The following ANKRD27 variants were observed in gnomAD, a reference collection of about 807,000 sequenced individuals.
The protein encoded by ANKRD27 is ankyrin repeat domain-containing protein 27.
Under a neutral mutation model 129.7 loss-of-function variants are expected in ANKRD27, and 112 were observed. That is an observed-to-expected ratio of 0.86 (90% CI 0.74 to 1.01). The LOEUF is 1.01. Ranked by LOEUF, ANKRD27 falls within the 50% of genes least tolerant of loss-of-function variation. The probability of loss-of-function intolerance (pLI) is 0.00; values close to 1 mark genes in which losing one functional copy is unlikely to be tolerated. For missense variants in ANKRD27, 1,258 were observed against 1,300.5 expected, an observed-to-expected ratio of 0.97 and a Z score of 0.50; for synonymous variants, 516 against 511.2, an observed-to-expected ratio of 1.01 and a Z score of -0.13.
intron 12 of ANKRD27, chr19:32,638,965 C>T: frequency 3.0e-6 from 1 of 336,292 alleles, no homozygotes; most frequent in Non-Finnish European, 5.4e-6. Flanking sequence ...AAAACTCAGG[C>T]AAAGGAGCCA....
chr19:32,675,078 G>C lies in ANKRD27; in HGVS notation c.-38C>G, dbSNP rs1423684054. 6.6e-6 allele frequency: 1 copy of C among 152,216 alleles called. No individual in the cohort carries two copies. 9.4% of individuals were successfully genotyped at this position (152,216 alleles called of 1,614,324 possible). ...CAGCGCGAGGACACTTACTTAAAAGGCTACATCGCTTCATTCCCAGCCCAT... is the reference window on the plus strand; with the variant it reads ...CAGCGCGAGGACACTTACTTAAAAGCCTACATCGCTTCATTCCCAGCCCAT... On this transcript the variant is annotated 5_prime_UTR_variant, in exon 1 of 29. Transcript: ENST00000306065.
chr19:32,620,547 C>T (rs532153479), intron 18 of ANKRD27, among the ~76,000 whole-genome samples: 9 of 143,234 alleles, frequency 6.3e-5, no homozygotes, highest in South Asian at 2.3e-4. Flanking sequence ...CCAGCCTGGG[C>T]GACAGAGCGA....
chr19:32,640,256 C>A (rs769168974), intron 11 of ANKRD27, 51 bp downstream of exon 11: 20 of 1,510,632 alleles, frequency 1.3e-5, no homozygotes, highest in Middle Eastern at 1.7e-4. Flanking sequence ...AGCCACCGTG[C>A]CCGGCCAAGC....
At chr19:32,651,561 G>A (rs751509306) in intron 2 of ANKRD27, among the ~76,000 whole-genome samples, 7 of 152,046 alleles carry the variant, frequency 4.6e-5, no homozygotes, top group African/African-American at 4.8e-5. Flanking sequence ...TAGTAGAGAC[G>A]GGGTTTCACC....
rs772505202 is a variant in ANKRD27 at position 32,640,372 on chromosome 19, G to T, written c.918C>A (p.Thr306=). ...QSPSQRVNLE[T]MCADDLLSVL... ...CTGATAGCAGATCATCAGCACACAT[G>T]GTCTCCAGGTTCACTGCAAAGGGGA... Residue 306 remains threonine (T), a synonymous_variant, in exon 11 of 29, where the codon ACC becomes ACA. Coordinates refer to ENST00000306065, the MANE Select transcript of ANKRD27 (RefSeq NM_032139.3). 4.3e-6 allele frequency: 7 copies of T among 1,613,852 alleles called. No individual in the cohort carries two copies. The East Asian group carries it at 1.3e-4, about 31-fold the overall frequency.
At chr19:32,670,655 C>G (rs1177164162) in intron 1 of ANKRD27, among the ~76,000 whole-genome samples, 6 of 151,968 alleles carry the variant, frequency 3.9e-5, no homozygotes, top group Non-Finnish European at 7.4e-5. Context: ...GCCTGGGCAA[C>G]AGAGGGGGAC....
rs1412462852 is a variant in ANKRD27, at chr19:32,664,074, AG to A, written c.-30-5030del. The stretch of plus-strand genomic sequence containing the variant: ...CTGTCTCAAAAAAAAAAAAAAAAAA[AG>A]AAAGAAATAGGGTGCAATTAATTTT... On this transcript the variant is annotated intron_variant, in intron 1 of 28. Transcript: ENST00000306065. 9.2e-3 allele frequency among the ~76,000 whole-genome samples: 268 copies of A among 29,210 alleles called. 12 individuals are homozygous for A. Among genetic ancestry groups the A allele is most frequent in the African/African-American group, 0.021 (186 of 8,940 alleles). The allele number at this position is 29,210 out of a possible 152,430, so 19.2% of individuals were successfully genotyped here. A position where few individuals can be genotyped will look rare whatever the true frequency, so the allele number is the denominator to read the frequency against.
intron 26 of ANKRD27, among the ~76,000 whole-genome samples, chr19:32,601,065 A>G (rs773531384): frequency 1.3e-5 from 2 of 152,090 alleles, no homozygotes; most frequent in Non-Finnish European, 2.9e-5. Context: ...TTGGGAGGCC[A>G]AGGAGGGCGG....
chr19:32,598,448 A>G, intron 28 of ANKRD27, 70 bp from the exon 29 acceptor site: 1 of 1,451,486 alleles, frequency 6.9e-7, no homozygotes, highest in Non-Finnish European at 9.7e-7. Context: ...TGACAGTGAC[A>G]GCTGCCCCTT....
intron 10 of ANKRD27, among the ~76,000 whole-genome samples, chr19:32,641,272 G>A (rs989951174): frequency 2.6e-5 from 4 of 151,338 alleles, no homozygotes; most frequent in East Asian, 1.9e-4. Context: ...CCCCTTGGAC[G>A]CTGAAAGAGC....
intron 3 of ANKRD27, among the ~76,000 whole-genome samples, chr19:32,647,734 A>G (rs937399834): frequency 6.6e-6 from 1 of 152,212 alleles, no homozygotes; most frequent in African/African-American, 2.4e-5. Context: ...TTGGACACCT[A>G]GATCTACAAA....
chr19:32,631,497 G>T lies in ANKRD27; in HGVS notation c.1117-3C>A. The T allele has an allele frequency of 6.2e-7, 1 of 1,613,096 alleles. No individual in the cohort carries two copies. Among genetic ancestry groups the T allele is most frequent in the East Asian group, 2.2e-5 (1 of 44,872 alleles). ...CTGTCTCCAAATCCCTCAGACTCCTGCAGGGAAAAAACCAAACACACCACG... is the reference window on the plus strand; with the variant it reads ...CTGTCTCCAAATCCCTCAGACTCCTTCAGGGAAAAAACCAAACACACCACG... On this transcript the variant is annotated splice_polypyrimidine_tract_variant and splice_region_variant and intron_variant, in intron 12 of 28. Transcript: ENST00000306065.
chr19:32,616,057 G>C (rs1028854311), intron 21 of ANKRD27, among the ~76,000 whole-genome samples: 1 of 152,152 alleles, frequency 6.6e-6, no homozygotes, highest in Non-Finnish European at 1.5e-5. Flanking sequence ...CCTAGGGCTG[G>C]GCGCAGTGGC....
At chr19:32,642,284 T>C in intron 9 of ANKRD27, 139 bp from the exon 10 acceptor site, 1 of 801,850 alleles carries the variant, frequency 1.2e-6, no homozygotes, top group Non-Finnish European at 1.8e-6. Context: ...TACTGAGAAG[T>C]CATCTGACTC....
At chr19:32,668,451 C>T (rs1470561041) in intron 1 of ANKRD27, among the ~76,000 whole-genome samples, 1 of 151,330 alleles carries the variant, frequency 6.6e-6, no homozygotes, top group African/African-American at 2.4e-5. Flanking sequence ...AGGCATAAGC[C>T]ACTGTGCCCA....
chr19:32,634,649 C>T (rs539040197), intron 12 of ANKRD27, among the ~76,000 whole-genome samples: 1 of 152,328 alleles, frequency 6.6e-6, no homozygotes, highest in South Asian at 2.1e-4. Context: ...GGCGCAGTGG[C>T]TGGTACCTGT....
chr19:32,651,286 C>A (rs540994517), intron 2 of ANKRD27, among the ~76,000 whole-genome samples: 3 of 152,100 alleles, frequency 2.0e-5, no homozygotes, highest in South Asian at 2.1e-4. Context: ...GATGGCCCCC[C>A]CTCCAGCTGC....
chr19:32,656,103 G>GAAAGAAAGAAAGGAAGGAAAAGA (rs1555747136), intron 2 of ANKRD27, among the ~76,000 whole-genome samples: 1 of 123,702 alleles, frequency 8.1e-6, no homozygotes, highest in East Asian at 2.5e-4. Context: ...AAGAAAGAAA[G>GAAAGAAAGAAAGGAAGGAAAAGA]AAAGAAAAGA....
At chr19:32,661,829 T>C (rs2145321066) in intron 1 of ANKRD27, among the ~76,000 whole-genome samples, 1 of 152,306 alleles carries the variant, frequency 6.6e-6, no homozygotes, top group Non-Finnish European at 1.5e-5. Context: ...TCAACCTGAA[T>C]TTGGTTGAAA....
Sources: gnomAD v4.1 joint callset for allele counts (sites outside exome capture counted in the v4.1 genomes callset) on GRCh38, gnomAD v4.1.1 for gene constraint, MANE v1.5 for transcripts, NCBI Gene and HGNC (gene_info 2026-07-23, HGNC 2026-07-21) for gene names.